GRM1: variants seen among roughly 807,000 people sequenced by gnomAD.
GRM1 encodes the protein glutamate metabotropic receptor 1, also known as metabotropic glutamate receptor 1.
Under a neutral mutation model 90.9 loss-of-function variants are expected in GRM1, and 33 were observed. The ratio of observed to expected loss-of-function variants is 0.36; its 90% CI spans 0.28 to 0.49. The LOEUF is 0.49. Ranked by LOEUF, GRM1 falls within the 20% of genes least tolerant of loss-of-function variation. GRM1 has a pLI of 0.99. For synonymous variants in GRM1, 700 were observed against 613.2 expected, an observed-to-expected ratio of 1.14 and a Z score of -2.09; for missense variants, 1,190 against 1,534.3, an observed-to-expected ratio of 0.78 and a Z score of 3.75.
intron 2 of GRM1, among the ~76,000 whole-genome samples, chr6:146,248,127 C>G: frequency 6.6e-6 from 1 of 151,918 alleles, no homozygotes; most frequent in East Asian, 1.9e-4. Flanking sequence ...TGCTTCCTCC[C>G]TTCCTTTCTC....
chr6:146,206,051 C>T (rs907075387), intron 2 of GRM1, among the ~76,000 whole-genome samples: 2 of 152,122 alleles, frequency 1.3e-5, no homozygotes, highest in South Asian at 2.1e-4. Context: ...TATGTCGTAG[C>T]AGAGAAAGAG....
intron 1 of GRM1, among the ~76,000 whole-genome samples, chr6:146,110,102 C>G (rs916613754): frequency 3.3e-5 from 5 of 152,116 alleles, no homozygotes; most frequent in Admixed American, 6.5e-5. Flanking sequence ...TGAGTTAAGA[C>G]TTTGGGCGGC....
chr6:146,416,553 A>G (rs952604345), intron 7 of GRM1, among the ~76,000 whole-genome samples: 53 of 152,146 alleles, frequency 3.5e-4, no homozygotes, highest in Admixed American at 1.2e-3. Context: ...TTTCATTTCT[A>G]TACATATTTT....
At chr6:146,430,091 G>A (rs1446687544) in intron 7 of GRM1, among the ~76,000 whole-genome samples, 2 of 152,138 alleles carry the variant, frequency 1.3e-5, no homozygotes, top group African/African-American at 4.8e-5. Context: ...GATGTAACTA[G>A]TACTTACTGA....
intron 1 of GRM1, among the ~76,000 whole-genome samples, chr6:146,150,938 G>GCACACA (rs143821112): frequency 0.13 from 19,021 of 150,666 alleles, 1,399 homozygotes; most frequent in Non-Finnish European, 0.17. Context: ...GCGTGTGCGC[G>GCACACA]CACACACACA....
At chr6:146,289,529 A>G (rs1393372766) in intron 2 of GRM1, among the ~76,000 whole-genome samples, 1 of 152,186 alleles carries the variant, frequency 6.6e-6, no homozygotes, top group Non-Finnish European at 1.5e-5. Flanking sequence ...TTATGGAAGA[A>G]AAAAGTACGT....
intron 7 of GRM1, among the ~76,000 whole-genome samples, chr6:146,416,421 CA>C (rs199581459): frequency 0.015 from 2,202 of 151,634 alleles, 48 homozygotes; most frequent in African/African-American, 0.045. Context: ...ATAGAAATTA[CA>C]AAAAAAATTA....
chr6:146,126,036 A>G (rs4896857), intron 1 of GRM1, among the ~76,000 whole-genome samples: 20,211 of 152,000 alleles, frequency 0.13, 2,275 homozygotes, highest in African/African-American at 0.29. Context: ...TACAGCCAGA[A>G]ACTAGAGAAA....
At chr6:146,049,992 T>A (rs936196367) in intron 1 of GRM1, among the ~76,000 whole-genome samples, 3 of 152,012 alleles carry the variant, frequency 2.0e-5, no homozygotes. Flanking sequence ...GTCTGATTAC[T>A]ACGTATAATC....
At chr6:146,258,789 G>A (rs749193283) in intron 2 of GRM1, among the ~76,000 whole-genome samples, 5 of 152,142 alleles carry the variant, frequency 3.3e-5, no homozygotes, top group Non-Finnish European at 7.3e-5. Context: ...GAGAATACCA[G>A]AGAGATCACT....
intron 2 of GRM1, among the ~76,000 whole-genome samples, chr6:146,229,416 A>G (rs1780369023): frequency 1.3e-5 from 2 of 149,774 alleles, no homozygotes; most frequent in African/African-American, 2.5e-5. Context: ...TCTTGGAGCC[A>G]TAGGGACCGG....
chr6:146,188,807 C>A (rs2114573639), intron 2 of GRM1, among the ~76,000 whole-genome samples: 1 of 152,244 alleles, frequency 6.6e-6, no homozygotes, highest in South Asian at 2.1e-4. Flanking sequence ...TCTCTAGAAC[C>A]AGAAACTCTT....
intron 2 of GRM1, among the ~76,000 whole-genome samples, chr6:146,223,836 A>G (rs1780151046): frequency 6.6e-6 from 1 of 152,084 alleles, no homozygotes; most frequent in Non-Finnish European, 1.5e-5. Flanking sequence ...TGTTGTACCC[A>G]TTATAACTCG....
At chr6:146,123,443 C>G (rs998227416) in intron 1 of GRM1, among the ~76,000 whole-genome samples, 1 of 152,176 alleles carries the variant, frequency 6.6e-6, no homozygotes, top group Non-Finnish European at 1.5e-5. Flanking sequence ...CAGGGGCTGC[C>G]TCTTCACAAA....
intron 2 of GRM1, among the ~76,000 whole-genome samples, chr6:146,247,504 T>G (rs933255306): frequency 1.3e-5 from 2 of 152,036 alleles, no homozygotes; most frequent in Non-Finnish European, 2.9e-5. Flanking sequence ...ATCCCAGCAC[T>G]TTGGGAGGCT....
At chr6:146,285,776 A>G (rs550174282) in intron 2 of GRM1, among the ~76,000 whole-genome samples, 3 of 152,266 alleles carry the variant, frequency 2.0e-5, no homozygotes, top group African/African-American at 4.8e-5. Flanking sequence ...AGACATTTTT[A>G]TTAGGTTTCT....
intron 2 of GRM1, among the ~76,000 whole-genome samples, chr6:146,170,174 G>C (rs1778058222): frequency 6.6e-6 from 1 of 151,800 alleles, no homozygotes; most frequent in Admixed American, 6.6e-5. Flanking sequence ...TATGATCAGT[G>C]GTTTTTCACT....
intron 2 of GRM1, among the ~76,000 whole-genome samples, chr6:146,217,140 T>C (rs936321071): frequency 2.0e-5 from 3 of 152,168 alleles, no homozygotes; most frequent in Non-Finnish European, 2.9e-5. Flanking sequence ...TATTGATTCT[T>C]ATATTTAAAG....
chr6:146,110,194 G>C (rs773899927), intron 1 of GRM1, among the ~76,000 whole-genome samples: 23 of 152,148 alleles, frequency 1.5e-4, no homozygotes, highest in Non-Finnish European at 2.8e-4. Context: ...TGGTTTTGCT[G>C]TGTCTCCACC....
Sources: gnomAD v4.1 joint callset for allele counts (sites outside exome capture counted in the v4.1 genomes callset) on GRCh38, gnomAD v4.1.1 for gene constraint, MANE v1.5 for transcripts, NCBI Gene and HGNC (gene_info 2026-07-23, HGNC 2026-07-21) for gene names.